The following FSTL5 variants were observed in gnomAD, a reference collection of about 807,000 sequenced individuals.
FSTL5 encodes follistatin like 5.
FSTL5 carries 62 observed loss-of-function variants against 89.1 expected under a neutral mutation model. The ratio of observed to expected loss-of-function variants is 0.70; its 90% confidence interval spans 0.57 to 0.86. The LOEUF (loss-of-function observed/expected upper bound fraction) is 0.86, where lower values mean the gene tolerates loss of function less well. Ranked by LOEUF, FSTL5 falls within the 40% of genes least tolerant of loss-of-function variation. The pLI, the probability that FSTL5 is intolerant of heterozygous loss-of-function variation, is 0.00. For synonymous variants in FSTL5, 383 were observed against 346.2 expected (o/e 1.11, Z -1.18); for missense variants, 1,057 against 1,001.6 (o/e 1.06, Z -0.75).
intron 3 of FSTL5, chr4:162,032,601 A>G (rs1220358762): frequency 6.6e-6 from 1 of 152,158 alleles, no homozygotes; most frequent in Non-Finnish European, 1.5e-5. Context: ...CAGATGACCC[A>G]ACATGGAAAA....
chr4:161,919,816 T>C (rs1298074450), intron 4 of FSTL5, among the ~76,000 whole-genome samples: 1 of 77,190 alleles, frequency 1.3e-5, no homozygotes, highest in African/African-American at 4.6e-5. Context: ...AATTACAAAT[T>C]CAGTACTTTT....
intron 7 of FSTL5, among the ~76,000 whole-genome samples, chr4:161,621,372 A>G (rs1325668172): frequency 1.3e-5 from 2 of 152,126 alleles, no homozygotes; most frequent in African/African-American, 4.8e-5. Flanking sequence ...CAAACTAAAT[A>G]ATCATTGAAA....
intron 4 of FSTL5, among the ~76,000 whole-genome samples, chr4:161,857,110 A>C (rs1433031974): frequency 6.6e-6 from 1 of 152,170 alleles, no homozygotes; most frequent in African/African-American, 2.4e-5. Flanking sequence ...GGGGCATTTG[A>C]CTTGCCTTTT....
chr4:162,002,354 C>T (rs1736489122), intron 3 of FSTL5, among the ~76,000 whole-genome samples: 1 of 152,160 alleles, frequency 6.6e-6, no homozygotes, highest in South Asian at 2.1e-4. Flanking sequence ...TCTGATTAAC[C>T]TTGCTTTTTC....
intron 7 of FSTL5, among the ~76,000 whole-genome samples, chr4:161,638,459 C>T (rs1205315902): frequency 1.3e-5 from 2 of 152,050 alleles, no homozygotes; most frequent in African/African-American, 2.4e-5. Context: ...CCTTTATTTC[C>T]TTCTCCTGCC....
intron 3 of FSTL5, among the ~76,000 whole-genome samples, chr4:161,929,371 C>T (rs1259098919): frequency 6.6e-6 from 1 of 151,384 alleles, no homozygotes; most frequent in Non-Finnish European, 1.5e-5. Flanking sequence ...ACTACTGCAG[C>T]TTTAAAGTAC....
chr4:161,659,628 T>C (rs922263843), intron 6 of FSTL5, among the ~76,000 whole-genome samples: 5 of 152,184 alleles, frequency 3.3e-5, no homozygotes, highest in Non-Finnish European at 7.4e-5. Context: ...AATGCATTAC[T>C]ATGTAAAACA....
At chr4:161,595,746 T>C (rs1370077981) in intron 7 of FSTL5, among the ~76,000 whole-genome samples, 1 of 152,082 alleles carries the variant, frequency 6.6e-6, no homozygotes. Context: ...TTCTGGCCTA[T>C]ATTTAACCAC....
At chr4:161,866,650 C>A (rs1433317234) in intron 4 of FSTL5, among the ~76,000 whole-genome samples, 1 of 151,726 alleles carries the variant, frequency 6.6e-6, no homozygotes, top group Non-Finnish European at 1.5e-5. Flanking sequence ...TCAGTGTAGC[C>A]TTAACAACAA....
At chr4:161,546,109 C>T (rs1257838486) in intron 8 of FSTL5, among the ~76,000 whole-genome samples, 5 of 151,184 alleles carry the variant, frequency 3.3e-5, no homozygotes, top group African/African-American at 1.2e-4. Context: ...TAAACTCAAT[C>T]TTTGTATTTA....
intron 3 of FSTL5, among the ~76,000 whole-genome samples, chr4:162,025,928 C>T (rs1407031587): frequency 2.0e-5 from 3 of 151,364 alleles, no homozygotes; most frequent in Non-Finnish European, 2.9e-5. Context: ...CATAAAAATA[C>T]TTAAAATGCA....
At chr4:161,811,722 A>C (rs977998657) in intron 4 of FSTL5, among the ~76,000 whole-genome samples, 81 of 152,316 alleles carry the variant, frequency 5.3e-4, no homozygotes, top group African/African-American at 1.5e-3. Flanking sequence ...CTGTACTGAG[A>C]TGCCATTCTA....
At chr4:161,454,240 C>A (rs1553987803) in intron 15 of FSTL5, among the ~76,000 whole-genome samples, 1 of 152,122 alleles carries the variant, frequency 6.6e-6, no homozygotes, top group Non-Finnish European at 1.5e-5. Context: ...AGTAAAAGGA[C>A]AAAATCTTTG....
intron 3 of FSTL5, among the ~76,000 whole-genome samples, chr4:161,965,508 G>A (rs1199929196): frequency 1.3e-5 from 2 of 152,066 alleles, no homozygotes; most frequent in African/African-American, 4.8e-5. Flanking sequence ...TAAACTATGT[G>A]GTGGCAGAGA....
chr4:162,148,326 A>G (rs927211536), intron 1 of FSTL5, among the ~76,000 whole-genome samples: 2 of 152,158 alleles, frequency 1.3e-5, no homozygotes, highest in Non-Finnish European at 2.9e-5. Flanking sequence ...AAATACACTG[A>G]GAAAAAAATG....
At chr4:161,845,130 C>T (rs1731328310) in intron 4 of FSTL5, among the ~76,000 whole-genome samples, 1 of 152,006 alleles carries the variant, frequency 6.6e-6, no homozygotes, top group South Asian at 2.1e-4. Context: ...TTGAAGTGTC[C>T]AGATCTTCAA....
At chr4:162,069,762 A>C (rs1449358775) in intron 2 of FSTL5, among the ~76,000 whole-genome samples, 1 of 151,952 alleles carries the variant, frequency 6.6e-6, no homozygotes, top group Non-Finnish European at 1.5e-5. Flanking sequence ...CAATATGCAT[A>C]TATGTCACAT....
chr4:162,105,557 G>T (rs1323276463), intron 2 of FSTL5, among the ~76,000 whole-genome samples: 2 of 151,220 alleles, frequency 1.3e-5, no homozygotes, highest in East Asian at 1.9e-4. Flanking sequence ...CGGGTAGGAT[G>T]GTGTCAGTTA....
chr4:161,874,941 A>T (rs1331593722), intron 4 of FSTL5, among the ~76,000 whole-genome samples: 1 of 152,018 alleles, frequency 6.6e-6, no homozygotes, highest in Non-Finnish European at 1.5e-5. Context: ...ACATATATAC[A>T]CACACACACG....
Sources: gnomAD v4.1 joint callset for allele counts (sites outside exome capture counted in the v4.1 genomes callset) on GRCh38, gnomAD v4.1.1 for gene constraint, MANE v1.5 for transcripts, NCBI Gene and HGNC (gene_info 2026-07-23, HGNC 2026-07-21) for gene names.